SH2D1A: variants seen among roughly 807,000 people sequenced by gnomAD.
The protein encoded by SH2D1A is SH2 domain-containing protein 1A.
Under a neutral mutation model 10.1 loss-of-function variants are expected in SH2D1A, and 6 were observed. The ratio of observed to expected loss-of-function variants is 0.60; its 90% confidence interval spans 0.33 to 1.18. The LOEUF is 1.18. SH2D1A is among the 50% of genes most tolerant of loss of function. The pLI, the probability that SH2D1A is intolerant of heterozygous loss-of-function variation, is 0.04. For missense variants in SH2D1A, 51 were observed against 97.6 expected, an observed-to-expected ratio of 0.52 and a Z score of 2.01; for synonymous variants, 42 against 36.9, an observed-to-expected ratio of 1.14 and a Z score of -0.51.
intron 1 of SH2D1A, among the ~76,000 whole-genome samples, chrX:124,348,454 C>T (rs752252151): frequency 9.9e-5 from 11 of 111,505 alleles, no homozygotes; most frequent in African/African-American, 3.3e-4. Flanking sequence ...CCTCACGGGG[C>T]TCCTGGCCGT....
At chrX:124,355,325 C>CAGTTAGGG (rs2060023801) in intron 1 of SH2D1A, among the ~76,000 whole-genome samples, 1 of 111,391 alleles carries the variant, frequency 9.0e-6, no homozygotes, top group Admixed American at 9.6e-5. Context: ...CTAACCTGGA[C>CAGTTAGGG]ACTTTTTTAC....
chrX:124,355,844 G>C (rs1173654809), intron 1 of SH2D1A, among the ~76,000 whole-genome samples: 2 of 111,187 alleles, frequency 1.8e-5, no homozygotes, highest in African/African-American at 3.3e-5. Flanking sequence ...TAATCAGAGT[G>C]GCATCCCCTT....
In SH2D1A at chrX:124,373,023, T is replaced by C; in HGVS notation, c.*1632T>C. 1.3e-5 allele frequency: 2 copies of C among 158,442 alleles called. No individual in the cohort carries two copies. The highest frequency in any genetic ancestry group is 6.2e-4 in the South Asian group (2 of 3,211). 13.1% of individuals were successfully genotyped at this position (158,442 alleles called of 1,213,427 possible). A position where few individuals can be genotyped will look rare whatever the true frequency, so the allele number is the denominator to read the frequency against. On this transcript the variant is annotated 3_prime_UTR_variant, in exon 4 of 4. Coordinates refer to ENST00000371139, the MANE Select transcript of SH2D1A (RefSeq NM_002351.5). ...TAACTAATTTTAACTCTATAATGTG[T>C]TCATTCTGGAATAATCCTAAACATA...
intron 1 of SH2D1A, among the ~76,000 whole-genome samples, chrX:124,350,701 GATA>G (rs1478567054): frequency 1.2e-4 from 2 of 16,789 alleles, no homozygotes; most frequent in African/African-American, 2.2e-3. Context: ...TTGTATATAA[GATA>G]ATATATTATA....
intron 1 of SH2D1A, among the ~76,000 whole-genome samples, chrX:124,357,155 C>T (rs770830102): frequency 1.8e-5 from 2 of 111,634 alleles, no homozygotes; most frequent in Non-Finnish European, 3.8e-5. Flanking sequence ...CCCCTACGAG[C>T]CCCTGGTAGC....
In SH2D1A at chrX:124,370,286, G is replaced by A. The variant is rs1409956490; in HGVS notation, c.312G>A (p.Lys104=). The change falls in exon 3 of 4, where the codon AAG becomes AAA. Residue 104 remains lysine (K), a synonymous_variant. Transcript: ENST00000371139. ...TACCTCTGCAGTATCCAGTTGAGAAGAAGTCCTCAGCTAGAAGTACACAAG... is the reference window on the plus strand; with the variant it reads ...TACCTCTGCAGTATCCAGTTGAGAAAAAGTCCTCAGCTAGAAGTACACAAG... ...IVIPLQYPVE[K]KSSARSTQGT... 1.7e-6 allele frequency: 2 copies of A among 1,201,499 alleles called. No homozygotes were observed. Among genetic ancestry groups the A allele is most frequent in the Non-Finnish European group, 2.3e-6 (2 of 886,258 alleles).
chrX:124,353,307 G>A (rs2060019478), intron 1 of SH2D1A: 3 of 115,220 alleles, frequency 2.6e-5, no homozygotes, highest in Non-Finnish European at 5.5e-5. Context: ...CTTTTTGTAT[G>A]TCTTATACAT....
At chrX:124,358,530 G>T (rs1603238034) in intron 1 of SH2D1A, among the ~76,000 whole-genome samples, 2 of 112,280 alleles carry the variant, frequency 1.8e-5, no homozygotes, top group East Asian at 5.5e-4. Context: ...ATAAAACTAA[G>T]AAATATTATT....
At chrX:124,369,166 T>G (rs2060063404) in intron 2 of SH2D1A, among the ~76,000 whole-genome samples, 2 of 111,403 alleles carry the variant, frequency 1.8e-5, no homozygotes, top group Admixed American at 9.6e-5. Context: ...CCTTCATGTT[T>G]TCTCATTAAA....
At chrX:124,350,230 ATT>A (rs2060005413) in intron 1 of SH2D1A, among the ~76,000 whole-genome samples, 1 of 22,510 alleles carries the variant, frequency 4.4e-5, no homozygotes, top group African/African-American at 7.1e-4. Context: ...ATAAATATAT[ATT>A]ATATAATATT....
chrX:124,348,643 T>A (rs2059999964), intron 1 of SH2D1A, among the ~76,000 whole-genome samples: 1 of 111,849 alleles, frequency 8.9e-6, no homozygotes, highest in African/African-American at 3.3e-5. Flanking sequence ...CTCCATCTCT[T>A]TATTTTTCTT....
Position 124,347,697 on chromosome X carries a change from T to C in SH2D1A, c.137+918T>C, listed in dbSNP as rs766995047. Among the ~76,000 whole-genome samples the C allele has an allele frequency of 6.3e-5, 7 of 111,526 alleles. No homozygotes were observed. The Admixed American group carries it at 6.7e-4, about 11-fold the overall frequency. The stretch of plus-strand genomic sequence containing the variant: ...CATAGGATTGTAAGATTAAGTGCCA[T>C]AATGCAGTAAAAAAATTAGCACTGG... On this transcript the variant is annotated intron_variant, in intron 1 of 3. Transcript: ENST00000371139.
intron 1 of SH2D1A, among the ~76,000 whole-genome samples, chrX:124,364,040 A>G (rs1411380357): frequency 1.8e-5 from 2 of 110,711 alleles, no homozygotes; most frequent in African/African-American, 6.6e-5. Context: ...ACATTTTATC[A>G]TTATTTTAAA....
rs754039415 is a variant in SH2D1A, at chrX:124,361,595, G to A, written c.138-4166G>A. Among the ~76,000 whole-genome samples the A allele has an allele frequency of 8.0e-5, 9 of 112,114 alleles. No homozygotes were observed. The East Asian group carries it at 2.5e-3, about 31-fold the overall frequency. ...ACAGAATGTTGGTAGAACTATGGAT[G>A]TTGCAGGTTATTCTGATGAGGTCTC... On this transcript the variant is annotated intron_variant, in intron 1 of 3. Coordinates refer to ENST00000371139, the MANE Select transcript of SH2D1A (RefSeq NM_002351.5).
chrX:124,354,278 T>G (rs1464550150), intron 1 of SH2D1A, among the ~76,000 whole-genome samples: 1 of 111,309 alleles, frequency 9.0e-6, no homozygotes, highest in African/African-American at 3.3e-5. Context: ...GAAGATGTCA[T>G]TTAGCTTAAG....
rs781212596 is a variant in SH2D1A at position 124,356,616 on chromosome X, TTTTG to T, written c.138-9133_138-9130del. Among the ~76,000 whole-genome samples, 146 of 110,552 alleles carry T rather than the reference TTTTG, an allele frequency of 1.3e-3. 2 individuals carry two copies. The highest frequency in any genetic ancestry group is 4.1e-3 in the African/African-American group (126 of 30,381). ...GTGCGTGCCACCACACCCAGCAGTT[TTTTG>T]TTTGTTTGTTTTGTATTTTTAGTAG... On this transcript the variant is annotated intron_variant, in intron 1 of 3. Coordinates refer to ENST00000371139, the MANE Select transcript of SH2D1A (RefSeq NM_002351.5).
intron 1 of SH2D1A, among the ~76,000 whole-genome samples, chrX:124,347,897 C>T (rs1480911933): frequency 1.8e-5 from 2 of 110,585 alleles, no homozygotes; most frequent in Non-Finnish European, 3.8e-5. Flanking sequence ...AAAAAAAAAT[C>T]CATGAAAACA....
At chrX:124,349,673 G>A (rs1179520002) in intron 1 of SH2D1A, among the ~76,000 whole-genome samples, 1 of 110,660 alleles carries the variant, frequency 9.0e-6, no homozygotes, top group African/African-American at 3.3e-5. Context: ...ACTTTCAAAC[G>A]ATGCTTGCCC....
chrX:124,355,343 G>A lies in SH2D1A; in HGVS notation c.137+8564G>A, dbSNP rs189418395. 4.8e-3 allele frequency among the ~76,000 whole-genome samples: 534 copies of A among 111,650 alleles called. 3 individuals carry two copies. The highest frequency in any genetic ancestry group is 9.3e-3 in the Middle Eastern group (2 of 216). ...ACCTGGACACTTTTTTACAGTTAGG[G>A]ACAACTTTTGATGAAATAAAGACAA... On this transcript the variant is annotated intron_variant, in intron 1 of 3. Transcript: ENST00000371139.
Sources: allele counts gnomAD v4.1 joint callset (sites outside exome capture counted in the v4.1 genomes callset), GRCh38; gene constraint gnomAD v4.1.1; transcripts MANE v1.5; gene names NCBI Gene and HGNC (gene_info 2026-07-23, HGNC 2026-07-21).